The following EYS variants were observed in gnomAD, a reference collection of about 807,000 sequenced individuals.
EYS encodes protein eyes shut homolog.
Under a neutral mutation model 282.1 loss-of-function variants are expected in EYS, and 250 were observed. That is an observed-to-expected ratio of 0.89 (90% confidence interval 0.80 to 0.98). The LOEUF (loss-of-function observed/expected upper bound fraction) is 0.98, where lower values mean the gene tolerates loss of function less well. Ranked by LOEUF, EYS falls within the 50% of genes least tolerant of loss-of-function variation. The probability of loss-of-function intolerance (pLI) is 0.00; values close to 1 mark genes in which losing one functional copy is unlikely to be tolerated. For synonymous variants in EYS, 1,355 were observed against 1,282.9 expected (o/e 1.06, Z -1.20); for missense variants, 4,016 against 3,709.0 (o/e 1.08, Z -2.15).
intron 12 of EYS, among the ~76,000 whole-genome samples, chr6:65,060,401 C>G (rs915541744): frequency 6.6e-6 from 1 of 151,934 alleles, no homozygotes; most frequent in Admixed American, 6.6e-5. Flanking sequence ...TTTCATGAAG[C>G]TTTAAATTCA....
chr6:63,775,425 C>T (rs984328166), intron 40 of EYS, among the ~76,000 whole-genome samples: 4 of 152,192 alleles, frequency 2.6e-5, no homozygotes, highest in African/African-American at 9.7e-5. Flanking sequence ...TGATTCTAAA[C>T]ACCATAAAAT....
chr6:64,086,967 A>G (rs529190091), intron 31 of EYS, among the ~76,000 whole-genome samples: 1 of 152,266 alleles, frequency 6.6e-6, no homozygotes, highest in Non-Finnish European at 1.5e-5. Context: ...ATGATAGAAG[A>G]AAAGCCATAT....
At chr6:64,710,075 G>A (rs6914002) in intron 22 of EYS, among the ~76,000 whole-genome samples, 148,148 of 152,342 alleles carry the variant, frequency 0.97, 72,121 homozygotes, top group Non-Finnish European at 1. Context: ...GAAAAGAGGG[G>A]GAAACCAAGA....
chr6:64,441,903 CA>C, intron 26 of EYS, among the ~76,000 whole-genome samples: 2 of 152,238 alleles, frequency 1.3e-5, no homozygotes, highest in Middle Eastern at 6.8e-3. Context: ...ATGTTTTTAT[CA>C]GCAGCATGAA....
chr6:64,950,640 C>T (rs1308182328), intron 14 of EYS, among the ~76,000 whole-genome samples: 1 of 150,298 alleles, frequency 6.7e-6, no homozygotes, highest in Non-Finnish European at 1.5e-5. Flanking sequence ...ATTCAATACA[C>T]ATTCTAAAAA....
chr6:63,749,680 T>C (rs1027944510), intron 41 of EYS, among the ~76,000 whole-genome samples: 1 of 152,196 alleles, frequency 6.6e-6, no homozygotes, highest in African/African-American at 2.4e-5. Flanking sequence ...TCAAGGGGTC[T>C]CCTGCTGCCA....
intron 29 of EYS, among the ~76,000 whole-genome samples, chr6:64,334,692 G>T (rs1240038589): frequency 1.3e-5 from 2 of 152,148 alleles, no homozygotes; most frequent in East Asian, 3.9e-4. Context: ...ATCAGAACAG[G>T]TTAGCACTGG....
chr6:64,522,563 T>A (rs1764005215), intron 26 of EYS, among the ~76,000 whole-genome samples: 1 of 151,616 alleles, frequency 6.6e-6, no homozygotes, highest in African/African-American at 2.4e-5. Flanking sequence ...ATAAACAATT[T>A]CCTGATAATC....
chr6:65,209,610 A>C (rs1766122774), intron 12 of EYS, among the ~76,000 whole-genome samples: 1 of 151,898 alleles, frequency 6.6e-6, no homozygotes, highest in Admixed American at 6.6e-5. Context: ...CACTGGAAAG[A>C]GTTTCTAAGA....
At chr6:65,552,497 A>AT (rs953672997) in intron 2 of EYS, among the ~76,000 whole-genome samples, 11 of 151,642 alleles carry the variant, frequency 7.3e-5, no homozygotes, top group Admixed American at 2.0e-4. Context: ...TTAAACTGCA[A>AT]TTTTTTTTTC....
At chr6:64,817,132 G>A (rs560677721) in intron 21 of EYS, among the ~76,000 whole-genome samples, 42 of 152,000 alleles carry the variant, frequency 2.8e-4, no homozygotes, top group African/African-American at 9.9e-4. Context: ...ATAATTTGTA[G>A]GAAAAAGCTG....
intron 12 of EYS, among the ~76,000 whole-genome samples, chr6:65,272,150 A>G (rs1767922987): frequency 6.6e-6 from 1 of 152,186 alleles, no homozygotes; most frequent in East Asian, 1.9e-4. Context: ...ATTTGAGACA[A>G]ATATTCAAAA....
intron 22 of EYS, among the ~76,000 whole-genome samples, chr6:64,773,119 C>T (rs1773573892): frequency 6.6e-6 from 1 of 151,698 alleles, no homozygotes; most frequent in Admixed American, 6.6e-5. Context: ...TTTTTCAATC[C>T]TCACCCTACT....
chr6:65,278,004 G>A (rs1161666197), intron 12 of EYS, among the ~76,000 whole-genome samples: 1 of 40,678 alleles, frequency 2.5e-5, no homozygotes, highest in African/African-American at 6.7e-5. Context: ...CTTTTAGCTG[G>A]GACACCAGGT....
At chr6:64,699,921 T>G (rs1204197613) in intron 22 of EYS, among the ~76,000 whole-genome samples, 1 of 151,944 alleles carries the variant, frequency 6.6e-6, no homozygotes, top group Non-Finnish European at 1.5e-5. Context: ...TACCCATATC[T>G]CTGATAGATA....
intron 26 of EYS, among the ~76,000 whole-genome samples, chr6:64,553,545 A>AGCC (rs1765150929): frequency 2.2e-5 from 1 of 46,478 alleles, no homozygotes; most frequent in Non-Finnish European, 4.5e-5. Context: ...CTTTTGTTTG[A>AGCC]CCCCCCCCCC....
At chr6:65,120,439 T>C (rs1313968449) in intron 12 of EYS, among the ~76,000 whole-genome samples, 1 of 116,168 alleles carries the variant, frequency 8.6e-6, no homozygotes, top group African/African-American at 3.0e-5. Context: ...TTCCAGACAT[T>C]ACTCTTTTTC....
chr6:65,331,893 C>T (rs998645573), intron 11 of EYS: 1 of 238,188 alleles, frequency 4.2e-6, no homozygotes, highest in South Asian at 1.5e-4. Flanking sequence ...TTTTATATAT[C>T]CATTCATCAG....
At chr6:64,246,897 A>C (rs4504461) in intron 30 of EYS, among the ~76,000 whole-genome samples, 1 of 148,788 alleles carries the variant, frequency 6.7e-6, no homozygotes, top group Non-Finnish European at 1.5e-5. Flanking sequence ...AGGAAATTAA[A>C]TTGAAAATTA....
Sources: gnomAD v4.1 joint callset for allele counts (sites outside exome capture counted in the v4.1 genomes callset) on GRCh38, gnomAD v4.1.1 for gene constraint, MANE v1.5 for transcripts, NCBI Gene and HGNC (gene_info 2026-07-23, HGNC 2026-07-21) for gene names.